GUCY2F: variants seen among roughly 807,000 people sequenced by gnomAD.
GUCY2F encodes the protein guanylate cyclase 2F, retinal.
A neutral mutation model predicts 73.1 loss-of-function variants in GUCY2F; 61 were observed. The observed-to-expected ratio is 0.83, with a 90% CI of 0.68 to 1.03. The LOEUF (loss-of-function observed/expected upper bound fraction) is 1.03. GUCY2F is among the 50% of genes least tolerant of loss of function. The pLI, the probability that GUCY2F is intolerant of heterozygous loss-of-function variation, is 0.00. For synonymous variants in GUCY2F, 331 were observed against 307.8 expected (o/e 1.08, Z -0.79); for missense variants, 912 against 854.3 (o/e 1.07, Z -0.84).
intron 5 of GUCY2F, among the ~76,000 whole-genome samples, chrX:109,449,202 A>G (rs747018951): frequency 1.8e-5 from 2 of 112,421 alleles, no homozygotes; most frequent in African/African-American, 6.5e-5. Flanking sequence ...AAGTTGCTTT[A>G]AGGAGAAGTT....
Position 109,465,198 on chromosome X carries a change from C to G in GUCY2F, c.976G>C (p.Ala326Pro). ...VESQEKTFYQ[A>P]FTEAAARGEI... ...CCTCTTGCTGCTGCCTCTGTGAAGG[C>G]TTGATAGAAGGTCTTTTCTTGGGAC... Residue 326 changes from alanine to proline, a missense_variant, in exon 3 of 20, where the codon GCC (alanine) becomes CCC (proline). Ala to Pro is a conservative substitution (Grantham distance 27). Transcript: ENST00000218006. 8.3e-7 allele frequency: 1 copy of G among 1,208,553 alleles called. No homozygotes were observed. Among genetic ancestry groups the G allele is most frequent in the Admixed American group, 2.2e-5 (1 of 45,759 alleles).
intron 19 of GUCY2F, among the ~76,000 whole-genome samples, chrX:109,374,566 G>A (rs1217531948): frequency 2.7e-5 from 3 of 111,493 alleles, no homozygotes; most frequent in African/African-American, 9.8e-5. Context: ...TGCCTCCAAT[G>A]CCACACTACC....
intron 2 of GUCY2F, among the ~76,000 whole-genome samples, chrX:109,470,071 GT>G (rs1186522653): frequency 8.9e-6 from 1 of 111,865 alleles, no homozygotes; most frequent in African/African-American, 3.3e-5. Context: ...ATCAGACCAT[GT>G]TTTTTTCCAC....
chrX:109,394,526 C>T (rs190233384), intron 12 of GUCY2F, among the ~76,000 whole-genome samples: 11 of 112,196 alleles, frequency 9.8e-5, no homozygotes, highest in Admixed American at 4.7e-4. Context: ...CATAAAGCAT[C>T]TCATTGCTGT....
At chrX:109,399,501 T>C (rs762705118) in intron 10 of GUCY2F, among the ~76,000 whole-genome samples, 1 of 112,455 alleles carries the variant, frequency 8.9e-6, no homozygotes, top group East Asian at 2.8e-4. Context: ...TTTATGGCAG[T>C]GAGAATGTCA....
intron 9 of GUCY2F, among the ~76,000 whole-genome samples, chrX:109,406,985 T>C: frequency 8.9e-6 from 1 of 111,756 alleles, no homozygotes; most frequent in East Asian, 2.8e-4. Context: ...GTACTACGAG[T>C]GGGGCATTGC....
chrX:109,434,745 T>G lies in GUCY2F; in HGVS notation c.1702-4349A>C, dbSNP rs6642683. Among the ~76,000 whole-genome samples, 423 of 110,646 alleles carry G rather than the reference T, an allele frequency of 3.8e-3. 3 individuals are homozygous for G. The highest frequency in any genetic ancestry group is 0.013 in the African/African-American group (400 of 30,185). ...GTAAAGCCTAGGTTTTCTTCTAGGG[T>G]TTTTATGGTTTTAGGTCTGACATTT... On this transcript the variant is annotated intron_variant, in intron 7 of 19. Transcript: ENST00000218006.
rs747376236 is a variant in GUCY2F, at chrX:109,424,324, GAA to G, written c.1791+5981_1791+5982del. 6.3e-5 allele frequency among the ~76,000 whole-genome samples: 7 copies of G among 111,936 alleles called. No individual in the cohort carries two copies. In the East Asian group the frequency reaches 1.7e-3, roughly 27 times the overall value. The stretch of plus-strand genomic sequence containing the variant: ...AAGTGATAAAATCAGACTCAATTTT[GAA>G]AAGAGTAGTTTGCAATGTGAAGAAT... On this transcript the variant is annotated intron_variant, in intron 8 of 19. Coordinates refer to ENST00000218006, the MANE Select transcript of GUCY2F (RefSeq NM_001522.3).
At chrX:109,395,540 A>G (rs1423963593) in intron 11 of GUCY2F, 51 bp from the exon 12 acceptor site, 3 of 1,075,665 alleles carry the variant, frequency 2.8e-6, no homozygotes, top group South Asian at 4.0e-5. Context: ...AAAAATGACC[A>G]AGATTTGGCA....
At position 109,414,774 on chromosome X, in the gene GUCY2F, T is replaced by C. The variant is rs140238088; in HGVS notation, c.1792-5606A>G. Among the ~76,000 whole-genome samples the C allele has an allele frequency of 1.9e-4, 21 of 111,756 alleles. No individual in the cohort carries two copies. In the East Asian group the frequency reaches 2.8e-3, roughly 15 times the overall value. On this transcript the variant is annotated intron_variant, in intron 8 of 19. Transcript: ENST00000218006. ...GTTAAAAGATGAGTGGATTAAACCA[T>C]GCAAAGAAGGGAAGGAAAAGTATTT...
chrX:109,460,100 T>C (rs1410880334), intron 3 of GUCY2F, among the ~76,000 whole-genome samples: 3 of 111,024 alleles, frequency 2.7e-5, no homozygotes, highest in African/African-American at 6.5e-5. Context: ...AAAACAAAAA[T>C]ATGGACCATA....
intron 8 of GUCY2F, among the ~76,000 whole-genome samples, chrX:109,424,008 A>T (rs181154814): frequency 8.9e-6 from 1 of 112,328 alleles, no homozygotes; most frequent in Admixed American, 9.4e-5. Context: ...ATGCTGATTA[A>T]GAAAAAAACA....
intron 19 of GUCY2F, among the ~76,000 whole-genome samples, chrX:109,375,273 G>A (rs1930150039): frequency 9.0e-6 from 1 of 111,396 alleles, no homozygotes; most frequent in Non-Finnish European, 1.9e-5. Flanking sequence ...AATATGTGGA[G>A]AGAATTCTTG....
intron 6 of GUCY2F, among the ~76,000 whole-genome samples, chrX:109,445,743 T>C (rs762956763): frequency 2.0e-4 from 22 of 111,721 alleles, no homozygotes; most frequent in Non-Finnish European, 3.6e-4. Context: ...TCACCACTCC[T>C]ATTCAACATA....
intron 6 of GUCY2F, 39 bp from the exon 7 acceptor site, chrX:109,441,521 A>G (rs1487210498): frequency 1.9e-6 from 2 of 1,049,063 alleles, no homozygotes; most frequent in African/African-American, 3.8e-5. Flanking sequence ...TGACCAAAAT[A>G]CTCATGATTT....
intron 10 of GUCY2F, among the ~76,000 whole-genome samples, chrX:109,403,949 G>A (rs1386059585): frequency 8.9e-6 from 1 of 111,988 alleles, no homozygotes; most frequent in East Asian, 2.8e-4. Context: ...CTCTAGTGAC[G>A]TCCCATTCTA....
chrX:109,465,199 T>C lies in GUCY2F; in HGVS notation c.975A>G (p.Gln325=), dbSNP rs751024547. 1 of 1,210,368 alleles carries C rather than the reference T, an allele frequency of 8.3e-7. No homozygotes were observed. The highest frequency in any genetic ancestry group is 1.1e-6 in the Non-Finnish European group (1 of 894,053). The part of the protein sequence containing the change: ...TVESQEKTFY[Q]AFTEAAARGE... ...CTCTTGCTGCTGCCTCTGTGAAGGC[T>C]TGATAGAAGGTCTTTTCTTGGGACT... is the stretch of plus-strand genomic sequence containing the variant. Residue 325 remains glutamine, a synonymous_variant, in exon 3 of 20, where the codon CAA becomes CAG. Transcript: ENST00000218006.
At chrX:109,434,095 T>C (rs749111932) in intron 7 of GUCY2F, among the ~76,000 whole-genome samples, 3 of 109,141 alleles carry the variant, frequency 2.7e-5, no homozygotes, top group South Asian at 4.0e-4. Context: ...GAGAGATGAA[T>C]GGAGAGAGAG....
intron 17 of GUCY2F, among the ~76,000 whole-genome samples, chrX:109,376,880 TCTC>T (rs1930193056): frequency 8.9e-6 from 1 of 111,853 alleles, no homozygotes; most frequent in Admixed American, 9.5e-5. Context: ...TGTGCTTCTC[TCTC>T]CTCCTTTCAA....
Sources: gnomAD v4.1 joint callset for allele counts (sites outside exome capture counted in the v4.1 genomes callset) on GRCh38, gnomAD v4.1.1 for gene constraint, MANE v1.5 for transcripts, NCBI Gene and HGNC (gene_info 2026-07-23, HGNC 2026-07-21) for gene names.